The following STMND1 variants were observed in gnomAD, a reference collection of about 807,000 sequenced individuals.
The protein encoded by STMND1 is stathmin domain-containing protein 1.
STMND1 carries 17 observed loss-of-function variants against 23.0 expected under a neutral mutation model. The ratio of observed to expected loss-of-function variants is 0.74; its 90% CI spans 0.51 to 1.11. STMND1 has a LOEUF of 1.11. Among genes scored for constraint, STMND1 ranks in the 50% least tolerant of loss-of-function variants. The pLI is 0.00. For missense variants in STMND1, 305 were observed against 329.1 expected (o/e 0.93, Z 0.57); for synonymous variants, 114 against 119.9 (o/e 0.95, Z 0.32).
At chr6:17,123,418 A>G (rs949339774) in intron 3 of STMND1, among the ~76,000 whole-genome samples, 4 of 152,190 alleles carry the variant, frequency 2.6e-5, no homozygotes, top group Non-Finnish European at 5.9e-5. Flanking sequence ...CAGGCTTGCA[A>G]CAGACCAGGC....
At chr6:17,107,315 C>A (rs1022381853) in intron 1 of STMND1, among the ~76,000 whole-genome samples, 1 of 151,930 alleles carries the variant, frequency 6.6e-6, no homozygotes, top group African/African-American at 2.4e-5. Context: ...AACACCTGTC[C>A]GTATTTAAAA....
At chr6:17,110,332 A>G (rs904967313) in intron 1 of STMND1, among the ~76,000 whole-genome samples, 2 of 152,086 alleles carry the variant, frequency 1.3e-5, no homozygotes, top group Non-Finnish European at 2.9e-5. Flanking sequence ...GTGCCTGTGA[A>G]TAGCCCCTGC....
rs1761222782 is a variant in STMND1, at chr6:17,120,817, GA to G, written c.411+60del. The G allele has an allele frequency of 1.5e-5, 19 of 1,301,400 alleles. No individual in the cohort carries two copies. In the Admixed American group the frequency reaches 1.8e-4, roughly 12 times the overall value. 80.6% of individuals were successfully genotyped at this position (1,301,400 alleles called of 1,614,324 possible). On this transcript the variant is annotated intron_variant, in intron 3 of 4. Coordinates refer to ENST00000536551, the MANE Select transcript of STMND1 (RefSeq NM_001190766.2). ...TTAAAATTAGCAATAGAATATGATT[GA>G]TCATGAGTCATTATTTCCAGCATAT...
rs765701384 is a variant in STMND1 at position 17,102,369 on chromosome 6, A to AACAG, written c.81+37_81+40dup. On this transcript the variant is annotated intron_variant, in intron 1 of 4. Coordinates refer to ENST00000536551, the MANE Select transcript of STMND1 (RefSeq NM_001190766.2). ...AAACAAACAAACAAACAAACAAACA[A>AACAG]ACAGACAGAAAGCCTTTTGCCTGGG... 593 of 1,508,576 alleles carry AACAG rather than the reference A, an allele frequency of 3.9e-4. 40 individuals are homozygous for AACAG. In the African/African-American group the frequency reaches 4.6e-3, roughly 12 times the overall value. 93.4% of individuals were successfully genotyped at this position (1,508,576 alleles called of 1,614,324 possible).
At chr6:17,126,818 G>GT (rs1274358304) in intron 3 of STMND1, among the ~76,000 whole-genome samples, 3 of 152,180 alleles carry the variant, frequency 2.0e-5, no homozygotes, top group Non-Finnish European at 4.4e-5. Context: ...GTCAATAAAT[G>GT]TTTTTTCTTT....
At chr6:17,118,248 CAAT>C (rs1416316485) in intron 2 of STMND1, among the ~76,000 whole-genome samples, 1 of 151,944 alleles carries the variant, frequency 6.6e-6, no homozygotes, top group African/African-American at 2.4e-5. Context: ...GAAGAGTTTC[CAAT>C]GACATCAGAA....
At chr6:17,129,377 C>T (rs1288052408) in intron 4 of STMND1, 134 bp downstream of exon 4, 1 of 919,300 alleles carries the variant, frequency 1.1e-6, no homozygotes, top group Non-Finnish European at 1.5e-6. Context: ...TATTATTTTA[C>T]TAATTTTTTT....
chr6:17,115,198 C>G (rs1279237278), intron 2 of STMND1, 59 bp downstream of exon 2: 7 of 1,450,774 alleles, frequency 4.8e-6, no homozygotes, highest in Non-Finnish European at 6.4e-6. Context: ...TCTCTAAATA[C>G]GTTTACAAGG....
intron 1 of STMND1, among the ~76,000 whole-genome samples, chr6:17,108,654 G>C (rs1761056674): frequency 6.6e-6 from 1 of 151,714 alleles, no homozygotes; most frequent in South Asian, 2.1e-4. Flanking sequence ...AGCATGAACT[G>C]TGAGCATCAG....
intron 3 of STMND1, among the ~76,000 whole-genome samples, chr6:17,126,070 A>ATTTT (rs1189845838): frequency 5.8e-4 from 12 of 20,530 alleles, no homozygotes; most frequent in South Asian, 3.1e-3. Context: ...ATATATATAT[A>ATTTT]TTTTTTTTTT....
At chr6:17,111,741 T>A (rs879937974) in intron 1 of STMND1, among the ~76,000 whole-genome samples, 1 of 152,208 alleles carries the variant, frequency 6.6e-6, no homozygotes, top group African/African-American at 2.4e-5. Flanking sequence ...TTAGTCTGTT[T>A]GTGCTGCTAC....
chr6:17,107,877 G>A (rs1381640042), intron 1 of STMND1, among the ~76,000 whole-genome samples: 1 of 152,190 alleles, frequency 6.6e-6, no homozygotes, highest in Non-Finnish European at 1.5e-5. Flanking sequence ...TAAGAACACT[G>A]CTATATCCCT....
chr6:17,112,591 C>T (rs1264059620), intron 1 of STMND1, among the ~76,000 whole-genome samples: 5 of 152,044 alleles, frequency 3.3e-5, no homozygotes, highest in African/African-American at 1.2e-4. Flanking sequence ...TCCTGGCTAA[C>T]ACGGTGAAAC....
intron 2 of STMND1, among the ~76,000 whole-genome samples, chr6:17,118,234 T>C (rs1761185312): frequency 2.0e-5 from 3 of 152,160 alleles, no homozygotes; most frequent in Admixed American, 2.0e-4. Flanking sequence ...ACACTTATGC[T>C]TATGAAGAGT....
At chr6:17,130,445 C>A in intron 4 of STMND1, 149 bp from the exon 5 acceptor site, 1 of 672,934 alleles carries the variant, frequency 1.5e-6, no homozygotes, top group Non-Finnish European at 2.4e-6. Context: ...CCCGTGTCTG[C>A]CTTCTTCAAC....
At chr6:17,115,201 T>A (rs1360689862) in intron 2 of STMND1, 62 bp downstream of exon 2, 2 of 1,444,902 alleles carry the variant, frequency 1.4e-6, no homozygotes, top group East Asian at 5.0e-5. Flanking sequence ...CTAAATACGT[T>A]TACAAGGTTT....
intron 1 of STMND1, among the ~76,000 whole-genome samples, chr6:17,103,252 A>C (rs1760967205): frequency 6.6e-6 from 1 of 152,202 alleles, no homozygotes. Flanking sequence ...GAAGCACAGC[A>C]AACTGGGACT....
In STMND1 at chr6:17,130,719, G is replaced by T; in HGVS notation, c.669G>T (p.Arg223Ser). 1 of 1,536,084 alleles carries T rather than the reference G, an allele frequency of 6.5e-7. No homozygotes were observed. Among genetic ancestry groups the T allele is most frequent in the South Asian group, 1.2e-5 (1 of 84,060 alleles). Residue 223 changes from arginine to serine, a missense_variant, in exon 5 of 5, where the codon AGG (arginine) becomes AGT (serine). Coordinates refer to ENST00000536551, the MANE Select transcript of STMND1 (RefSeq NM_001190766.2). ...VAFAKGLQRV[R>S]SAGFEPSDLQ... is the part of the protein sequence containing the mutation. ...TTGCCAAAGGACTTCAAAGGGTGAG[G>T]TCTGCTGGATTTGAACCATCTGACC...
chr6:17,109,092 G>A (rs771976033), intron 1 of STMND1, among the ~76,000 whole-genome samples: 1 of 152,194 alleles, frequency 6.6e-6, no homozygotes, highest in Non-Finnish European at 1.5e-5. Flanking sequence ...ACAGGGACAA[G>A]ATGGGCAGTA....
Sources: allele counts gnomAD v4.1 joint callset (sites outside exome capture counted in the v4.1 genomes callset), GRCh38; gene constraint gnomAD v4.1.1; transcripts MANE v1.5; gene names NCBI Gene and HGNC (gene_info 2026-07-23, HGNC 2026-07-21).